The following CADPS variants were observed in gnomAD, a reference collection of about 807,000 sequenced individuals.
CADPS encodes calcium dependent secretion activator, also known as calcium-dependent secretion activator 1.
A neutral mutation model predicts 167.3 loss-of-function variants in CADPS; 57 were observed. The ratio of observed to expected loss-of-function variants is 0.34; its 90% CI spans 0.28 to 0.42. The LOEUF is 0.42. CADPS is among the 20% of genes least tolerant of loss of function. The pLI is 1.00. For missense variants in CADPS, 1,414 were observed against 1,738.1 expected (o/e 0.81, Z 3.32); for synonymous variants, 676 against 635.3 (o/e 1.06, Z -0.96).
intron 3 of CADPS, among the ~76,000 whole-genome samples, chr3:62,723,586 A>G (rs1167970374): frequency 1.3e-5 from 2 of 152,236 alleles, no homozygotes; most frequent in Non-Finnish European, 2.9e-5. Flanking sequence ...TAGGAAAAAA[A>G]AATCCACTGA....
At position 62,588,383 on chromosome 3, in the gene CADPS, G is replaced by A. The variant is rs74561525; in HGVS notation, c.1438-3059C>T. Among the ~76,000 whole-genome samples, 1,328 of 151,428 alleles carry A rather than the reference G, an allele frequency of 8.8e-3. 8 individuals carry two copies. Among genetic ancestry groups the A allele is most frequent in the Non-Finnish European group, 0.016 (1,086 of 67,940 alleles). ...TGTCTGTGTCCCTTATGCTTTGTGA[G>A]GTTAAGGGTTTTTTACCAGTCATTA... On this transcript the variant is annotated intron_variant, in intron 7 of 29. Coordinates refer to ENST00000383710, the MANE Select transcript of CADPS (RefSeq NM_003716.4).
chr3:62,441,422 C>A (rs2056293790), intron 27 of CADPS, among the ~76,000 whole-genome samples: 1 of 152,208 alleles, frequency 6.6e-6, no homozygotes, highest in African/African-American at 2.4e-5. Flanking sequence ...TGAGCTCAAA[C>A]TTCCAGCATC....
intron 17 of CADPS, among the ~76,000 whole-genome samples, chr3:62,504,517 G>A (rs899221599): frequency 6.6e-6 from 1 of 152,304 alleles, no homozygotes; most frequent in Middle Eastern, 3.4e-3. Context: ...GCGCCTCTGG[G>A]TTGATCTGTC....
intron 6 of CADPS, among the ~76,000 whole-genome samples, chr3:62,631,129 C>A (rs1450879626): frequency 6.6e-6 from 1 of 151,974 alleles, no homozygotes; most frequent in Non-Finnish European, 1.5e-5. Flanking sequence ...CACACACACA[C>A]ACACAAATAT....
At position 62,651,096 on chromosome 3, in the gene CADPS, A is replaced by G; in HGVS notation, c.970-16T>C. On this transcript the variant is annotated splice_polypyrimidine_tract_variant and intron_variant, in intron 4 of 29. Coordinates refer to ENST00000383710, the MANE Select transcript of CADPS (RefSeq NM_003716.4). ...ATTTGCGTTCCTTGGGAAGAAAAAG[A>G]AAAGTATGAGCAGAGGAGAAAATAG... 1 of 1,559,314 alleles carries G rather than the reference A, an allele frequency of 6.4e-7. No individual in the cohort carries two copies. The highest frequency in any genetic ancestry group is 1.1e-5 in the South Asian group (1 of 89,718).
At chr3:62,779,181 C>A in intron 1 of CADPS, 2 of 228,864 alleles carry the variant, frequency 8.7e-6, no homozygotes, top group South Asian at 8.4e-5. Flanking sequence ...CTTATGCTTT[C>A]TTGCTAGATG....
chr3:62,831,122 C>G (rs541681819), intron 1 of CADPS, among the ~76,000 whole-genome samples: 1 of 152,142 alleles, frequency 6.6e-6, no homozygotes, highest in Non-Finnish European at 1.5e-5. Context: ...CCTGGGAAGT[C>G]TTAAAACAGA....
At chr3:62,445,734 A>AAC in intron 27 of CADPS, 31 bp downstream of exon 27, 2 of 1,430,718 alleles carry the variant, frequency 1.4e-6, no homozygotes, top group Admixed American at 2.4e-5. Context: ...AAACAAAAAA[A>AAC]CCCCATGAGA....
intron 28 of CADPS, among the ~76,000 whole-genome samples, chr3:62,408,309 A>G (rs554485825): frequency 2.8e-4 from 43 of 152,322 alleles, no homozygotes; most frequent in Admixed American, 1.6e-3. Context: ...TTCAGTCATC[A>G]TGGATTTTTT....
chr3:62,677,289 A>G (rs1453841348), intron 3 of CADPS, among the ~76,000 whole-genome samples: 5 of 152,116 alleles, frequency 3.3e-5, no homozygotes, highest in Non-Finnish European at 7.4e-5. Context: ...AAAAACAAAA[A>G]ACCAAAACAA....
At chr3:62,402,383 C>T (rs1017083924) in intron 29 of CADPS, among the ~76,000 whole-genome samples, 1 of 152,044 alleles carries the variant, frequency 6.6e-6, no homozygotes, top group Non-Finnish European at 1.5e-5. Context: ...TGTTTTAAAA[C>T]CCTCTATGGT....
At chr3:62,757,869 G>A (rs2084374064) in intron 2 of CADPS, among the ~76,000 whole-genome samples, 1 of 152,212 alleles carries the variant, frequency 6.6e-6, no homozygotes, top group Non-Finnish European at 1.5e-5. Context: ...AGGCAAGAGA[G>A]CATGTGCATG....
intron 3 of CADPS, among the ~76,000 whole-genome samples, chr3:62,715,373 C>CTACCTATCTAT (rs1554105668): frequency 3.3e-4 from 45 of 134,604 alleles, no homozygotes; most frequent in African/African-American, 1.3e-3. Flanking sequence ...TATCTATCTA[C>CTACCTATCTAT]CTATCTATCT....
chr3:62,552,116 G>C (rs1246906249), intron 10 of CADPS, among the ~76,000 whole-genome samples: 1 of 151,246 alleles, frequency 6.6e-6, no homozygotes, highest in East Asian at 2.0e-4. Context: ...TCCATGGGCA[G>C]TTCTCAAGGT....
At chr3:62,498,341 T>A (rs1157478076) in intron 18 of CADPS, among the ~76,000 whole-genome samples, 1 of 152,214 alleles carries the variant, frequency 6.6e-6, no homozygotes, top group African/African-American at 2.4e-5. Flanking sequence ...TTAGGAAATG[T>A]CATTTTTCCC....
At chr3:62,817,439 A>C (rs959810231) in intron 1 of CADPS, among the ~76,000 whole-genome samples, 1 of 152,122 alleles carries the variant, frequency 6.6e-6, no homozygotes, top group African/African-American at 2.4e-5. Flanking sequence ...GTATTGCCTT[A>C]ATTAAGGCAG....
chr3:62,702,355 G>A (rs979778774), intron 3 of CADPS, among the ~76,000 whole-genome samples: 1 of 152,154 alleles, frequency 6.6e-6, no homozygotes, highest in Non-Finnish European at 1.5e-5. Flanking sequence ...CAAGGAGCAT[G>A]AAGACCAAGG....
intron 1 of CADPS, among the ~76,000 whole-genome samples, chr3:62,842,436 T>C (rs1180095208): frequency 6.6e-6 from 1 of 152,216 alleles, no homozygotes; most frequent in Admixed American, 6.5e-5. Context: ...ATCTGTCCAA[T>C]ATGCAGCCAA....
chr3:62,729,186 G>C (rs1658792), intron 3 of CADPS, among the ~76,000 whole-genome samples: 4 of 151,562 alleles, frequency 2.6e-5, no homozygotes, highest in Admixed American at 2.0e-4. Flanking sequence ...GTTTTCTTAG[G>C]ACCCAAATTG....
Sources: gnomAD v4.1 joint callset for allele counts (sites outside exome capture counted in the v4.1 genomes callset) on GRCh38, gnomAD v4.1.1 for gene constraint, MANE v1.5 for transcripts, NCBI Gene and HGNC (gene_info 2026-07-23, HGNC 2026-07-21) for gene names.